The following CLASP2 variants were observed in gnomAD, a reference collection of about 807,000 sequenced individuals.
The protein encoded by CLASP2 is CLIP-associating protein 2.
A neutral mutation model predicts 194.4 loss-of-function variants in CLASP2; 47 were observed. The ratio of observed to expected loss-of-function variants is 0.24; its 90% CI spans 0.19 to 0.31. CLASP2 has a LOEUF of 0.31. Ranked by LOEUF, CLASP2 falls within the 10% of genes least tolerant of loss-of-function variation. The pLI is 1.00. For missense variants in CLASP2, 1,445 were observed against 1,823.6 expected (o/e 0.79, Z 3.78); for synonymous variants, 619 against 633.5 (o/e 0.98, Z 0.34).
intron 7 of CLASP2, among the ~76,000 whole-genome samples, chr3:33,652,793 C>T (rs1184562089): frequency 1.3e-5 from 2 of 152,176 alleles, no homozygotes; most frequent in Non-Finnish European, 2.9e-5. Flanking sequence ...CTAAGTCCTC[C>T]CCAATCCCAG....
chr3:33,599,885 GA>G (rs2071547686), intron 18 of CLASP2, among the ~76,000 whole-genome samples: 1 of 151,656 alleles, frequency 6.6e-6, no homozygotes, highest in Non-Finnish European at 1.5e-5. Flanking sequence ...GTCAGATGAA[GA>G]AAAGAAAAAA....
intron 7 of CLASP2, among the ~76,000 whole-genome samples, chr3:33,652,487 G>T (rs893248624): frequency 6.6e-6 from 1 of 152,112 alleles, no homozygotes; most frequent in Non-Finnish European, 1.5e-5. Context: ...TAATCTCACA[G>T]GTCCCTCTAG....
intron 13 of CLASP2, among the ~76,000 whole-genome samples, chr3:33,610,494 C>T (rs184977094): frequency 2.1e-3 from 319 of 152,310 alleles, no homozygotes; most frequent in African/African-American, 7.3e-3. Flanking sequence ...TAATGGATTG[C>T]TCCCCATTTT....
At chr3:33,563,022 G>T (rs2062044868) in intron 27 of CLASP2, among the ~76,000 whole-genome samples, 1 of 152,066 alleles carries the variant, frequency 6.6e-6, no homozygotes, top group Non-Finnish European at 1.5e-5. Flanking sequence ...ATCCAAGAAA[G>T]AAGTGATTTT....
intron 6 of CLASP2, among the ~76,000 whole-genome samples, chr3:33,674,227 A>C (rs1193409490): frequency 2.0e-5 from 3 of 152,210 alleles, no homozygotes; most frequent in Non-Finnish European, 4.4e-5. Context: ...AAAGAACAGA[A>C]ATTATAACAA....
At chr3:33,702,693 A>C (rs7631851) in intron 1 of CLASP2, among the ~76,000 whole-genome samples, 44,551 of 152,014 alleles carry the variant, frequency 0.29, 6,805 homozygotes, top group Admixed American at 0.39. Flanking sequence ...TAATTGTAAA[A>C]CATATATCTG....
intron 7 of CLASP2, chr3:33,645,130 C>G (rs1188061467): frequency 3.5e-5 from 24 of 685,076 alleles, no homozygotes; most frequent in Non-Finnish European, 6.3e-5. Flanking sequence ...CTTACTTATA[C>G]ATATTAAGTC....
chr3:33,708,512 AT>A (rs2092822916), intron 1 of CLASP2, among the ~76,000 whole-genome samples: 3 of 117,998 alleles, frequency 2.5e-5, no homozygotes, highest in Non-Finnish European at 3.3e-5. Flanking sequence ...ATATGTATAT[AT>A]ATGTATATAT....
chr3:33,584,911 C>T lies in CLASP2; in HGVS notation c.2078G>A (p.Arg693Gln), dbSNP rs751564793. 5.6e-6 allele frequency: 9 copies of T among 1,609,828 alleles called. No individual in the cohort carries two copies. The highest frequency in any genetic ancestry group is 1.7e-5 in the Admixed American group (1 of 59,168). The change falls in exon 22 of 39, where the codon CGG becomes CAG. Residue 693 changes from arginine to glutamine, a missense_variant. Arg to Gln is a conservative substitution (Grantham distance 43). This residue lies in a region of CLASP2 where 732 missense variants were observed against 987.9 expected (regional missense o/e 0.74). Coordinates refer to ENST00000682230, the MANE Select transcript of CLASP2 (RefSeq NM_001365631.1). ...CAGAACTCTTCCTGGAGACCCAGAC[C>T]GGCTACCAGCTGAACACCAAACACA... ...KMVSQSQPGS[R>Q]SGSPGRVLTT...
chr3:33,511,625 C>T (rs1012240897), intron 36 of CLASP2, among the ~76,000 whole-genome samples: 19 of 151,850 alleles, frequency 1.3e-4, no homozygotes, highest in Admixed American at 6.6e-5. Context: ...GGGTAAAACA[C>T]TGGTTTTGTG....
chr3:33,639,582 T>C (rs1653068859), intron 8 of CLASP2, among the ~76,000 whole-genome samples: 1 of 152,202 alleles, frequency 6.6e-6, no homozygotes, highest in Non-Finnish European at 1.5e-5. Flanking sequence ...TCAAATAATA[T>C]AATTACAGTA....
chr3:33,581,685 T>C (rs2154210892), intron 23 of CLASP2, 136 bp downstream of exon 23: 1 of 607,210 alleles, frequency 1.6e-6, no homozygotes. Context: ...GTAATTTCCT[T>C]TCCTCAAAAT....
intron 9 of CLASP2, among the ~76,000 whole-genome samples, chr3:33,629,973 T>C (rs2078766841): frequency 6.6e-6 from 1 of 152,102 alleles, no homozygotes; most frequent in Non-Finnish European, 1.5e-5. Context: ...TGACGATCCT[T>C]GAAATCGTGC....
At chr3:33,572,749 TCTC>T (rs1177102123) in intron 25 of CLASP2, among the ~76,000 whole-genome samples, 4 of 152,146 alleles carry the variant, frequency 2.6e-5, no homozygotes, top group Non-Finnish European at 5.9e-5. Context: ...ACATTCTTCT[TCTC>T]ATTGAAAAAC....
intron 34 of CLASP2, among the ~76,000 whole-genome samples, chr3:33,519,871 A>G (rs760633447): frequency 2.0e-5 from 3 of 152,236 alleles, no homozygotes; most frequent in Non-Finnish European, 4.4e-5. Flanking sequence ...TTTAGATTTC[A>G]GTTATAGTTT....
intron 29 of CLASP2, among the ~76,000 whole-genome samples, chr3:33,556,348 T>G (rs2060915360): frequency 6.6e-6 from 1 of 152,224 alleles, no homozygotes; most frequent in Non-Finnish European, 1.5e-5. Context: ...GAAAGCTGGT[T>G]TTATTTTTGG....
chr3:33,559,077 G>T, intron 29 of CLASP2: 1 of 619,614 alleles, frequency 1.6e-6, no homozygotes, highest in East Asian at 3.1e-5. Context: ...AAACACTGCA[G>T]AGAGTTAAGA....
At chr3:33,546,706 G>A (rs994641781) in intron 30 of CLASP2, among the ~76,000 whole-genome samples, 14 of 152,118 alleles carry the variant, frequency 9.2e-5, no homozygotes, top group Non-Finnish European at 1.5e-5. Context: ...TTCAACATCA[G>A]CTCTACCTTT....
chr3:33,604,741 GACTAAGCTCTACAGAGAC>G (rs2073339813), intron 16 of CLASP2, among the ~76,000 whole-genome samples: 1 of 152,146 alleles, frequency 6.6e-6, no homozygotes, highest in Admixed American at 6.6e-5. Context: ...AGTGAATAAA[GACTAAGCTCTACAGAGAC>G]AGGGATCAGG....
Sources: gnomAD v4.1 joint callset for allele counts (sites outside exome capture counted in the v4.1 genomes callset) on GRCh38, gnomAD v4.1.1 for gene constraint, gnomAD v4.1.1 regional missense constraint, MANE v1.5 for transcripts, NCBI Gene and HGNC (gene_info 2026-07-23, HGNC 2026-07-21) for gene names.